Variants in TAFA4 observed in about 807,000 individuals in gnomAD.
The protein encoded by TAFA4 is TAFA chemokine like family member 4, also known as chemokine-like protein TAFA-4.
In TAFA4, 20 loss-of-function variants were observed where a neutral mutation model predicts 21.1. The observed-to-expected ratio is 0.95, with a 90% CI of 0.67 to 1.38. The LOEUF (loss-of-function observed/expected upper bound fraction) is 1.38. TAFA4 is among the 40% of genes most tolerant of loss of function. The pLI is 0.00. For synonymous variants in TAFA4, 71 were observed against 67.4 expected (o/e 1.05, Z -0.26); for missense variants, 211 against 180.9 (o/e 1.17, Z -0.95).
chr3:68,805,605 C>T (rs931169023), intron 3 of TAFA4, among the ~76,000 whole-genome samples: 6 of 152,204 alleles, frequency 3.9e-5, no homozygotes, highest in African/African-American at 1.2e-4. Context: ...CACATATACA[C>T]CATGGAACAC....
chr3:68,733,269 A>AG, intron 5 of TAFA4, 116 bp from the exon 6 acceptor site: 1 of 1,314,266 alleles, frequency 7.6e-7, no homozygotes, highest in Non-Finnish European at 1.0e-6. Context: ...TTGTACATTT[A>AG]CCTATAACCG....
At chr3:68,762,429 A>T (rs1266940308) in intron 3 of TAFA4, among the ~76,000 whole-genome samples, 1 of 152,182 alleles carries the variant, frequency 6.6e-6, no homozygotes, top group Admixed American at 6.5e-5. Context: ...TATGGGGGAA[A>T]ATCTCATAGA....
intron 3 of TAFA4, among the ~76,000 whole-genome samples, chr3:68,769,218 A>C (rs1702908851): frequency 6.6e-6 from 1 of 152,140 alleles, no homozygotes; most frequent in African/African-American, 2.4e-5. Context: ...CACGCTCCTT[A>C]TGAGAATCTA....
At chr3:68,875,233 T>C (rs540175643) in intron 3 of TAFA4, among the ~76,000 whole-genome samples, 2 of 152,102 alleles carry the variant, frequency 1.3e-5, no homozygotes, top group Admixed American at 1.3e-4. Flanking sequence ...TTCCAGTTTT[T>C]TTTTTTTTTT....
chr3:68,880,339 TAGTTTA>T (rs752044100), intron 3 of TAFA4, among the ~76,000 whole-genome samples: 3 of 152,186 alleles, frequency 2.0e-5, no homozygotes, highest in Admixed American at 6.5e-5. Flanking sequence ...CTGTAAGTGT[TAGTTTA>T]AGTTTATCAT....
intron 3 of TAFA4, among the ~76,000 whole-genome samples, chr3:68,791,995 A>T (rs1020153946): frequency 1.3e-5 from 2 of 152,142 alleles, no homozygotes; most frequent in Non-Finnish European, 2.9e-5. Flanking sequence ...CTAAAAAAAA[A>T]CTCTGAGACT....
rs573928797 is a variant in TAFA4 at position 68,753,631 on chromosome 3, T to C, written c.131-613A>G. ...GATTATAGGTGTGAGCCACCGTCAC[T>C]GGCCAACTGGTTGATTTTAAGAGAG... On this transcript the variant is annotated intron_variant, in intron 3 of 5. Coordinates refer to ENST00000295569, the MANE Select transcript of TAFA4 (RefSeq NM_182522.5). Among the ~76,000 whole-genome samples the C allele has an allele frequency of 6.8e-4, 104 of 152,226 alleles. 1 individual carries two copies. The South Asian group carries it at 8.5e-3, about 12-fold the overall frequency.
intron 3 of TAFA4, among the ~76,000 whole-genome samples, chr3:68,871,473 C>G (rs1559549531): frequency 6.6e-6 from 1 of 152,050 alleles, no homozygotes; most frequent in Non-Finnish European, 1.5e-5. Flanking sequence ...AACTATGAAA[C>G]TATTAGAAGC....
intron 3 of TAFA4, among the ~76,000 whole-genome samples, chr3:68,865,416 G>A (rs2089403204): frequency 6.6e-6 from 1 of 151,978 alleles, no homozygotes; most frequent in Admixed American, 6.6e-5. Flanking sequence ...GAATCATGGG[G>A]CCAGGTTTTT....
At chr3:68,763,727 A>ACTAT (rs1043441049) in intron 3 of TAFA4, among the ~76,000 whole-genome samples, 93 of 152,216 alleles carry the variant, frequency 6.1e-4, no homozygotes, top group African/African-American at 2.1e-3. Context: ...TCAGAAGTCT[A>ACTAT]CTATCTGTTT....
intron 1 of TAFA4, among the ~76,000 whole-genome samples, chr3:68,927,926 A>T (rs2090124843): frequency 6.6e-6 from 1 of 152,104 alleles, no homozygotes; most frequent in African/African-American, 2.4e-5. Context: ...ATACAATGAT[A>T]TCTTCCTATT....
intron 3 of TAFA4, among the ~76,000 whole-genome samples, chr3:68,847,013 G>C (rs1704819659): frequency 6.6e-6 from 1 of 152,192 alleles, no homozygotes; most frequent in Non-Finnish European, 1.5e-5. Flanking sequence ...CAGTTGAGGA[G>C]GCAGTCTGTT....
intron 3 of TAFA4, among the ~76,000 whole-genome samples, chr3:68,769,484 G>A (rs1374176384): frequency 1.3e-5 from 2 of 152,160 alleles, no homozygotes; most frequent in Non-Finnish European, 2.9e-5. Context: ...TGCCAAAAAG[G>A]TTGGGGACCA....
chr3:68,862,855 TCACA>T (rs145463746), intron 3 of TAFA4, among the ~76,000 whole-genome samples: 5 of 148,580 alleles, frequency 3.4e-5, no homozygotes, highest in East Asian at 2.0e-4. Context: ...AAAAGAATTT[TCACA>T]CACACACACA....
intron 3 of TAFA4, among the ~76,000 whole-genome samples, chr3:68,755,164 T>C (rs548381379): frequency 1.5e-4 from 23 of 152,294 alleles, no homozygotes; most frequent in African/African-American, 5.5e-4. Flanking sequence ...CAACTCTCTA[T>C]TTATATCTCC....
chr3:68,811,114 G>A (rs1371772240), intron 3 of TAFA4, among the ~76,000 whole-genome samples: 4 of 152,136 alleles, frequency 2.6e-5, no homozygotes, highest in African/African-American at 9.7e-5. Flanking sequence ...TGAGGGTCCT[G>A]ACTGTTAGAA....
chr3:68,837,596 G>A (rs1005165553), intron 3 of TAFA4, among the ~76,000 whole-genome samples: 2 of 152,190 alleles, frequency 1.3e-5, no homozygotes, highest in Admixed American at 6.5e-5. Flanking sequence ...TGAATCAGAG[G>A]TGGGGGTCAA....
intron 3 of TAFA4, among the ~76,000 whole-genome samples, chr3:68,812,242 G>C (rs970042462): frequency 2.0e-5 from 3 of 152,204 alleles, no homozygotes; most frequent in Non-Finnish European, 2.9e-5. Context: ...AAAGACCATT[G>C]AGGCAAGGAA....
intron 3 of TAFA4, among the ~76,000 whole-genome samples, chr3:68,771,461 G>C (rs537796945): frequency 1.2e-3 from 180 of 152,332 alleles, no homozygotes; most frequent in African/African-American, 4.0e-3. Context: ...TTTGGGGTTT[G>C]AGCAGCGGGG....
Sources: allele counts gnomAD v4.1 joint callset (sites outside exome capture counted in the v4.1 genomes callset), GRCh38; gene constraint gnomAD v4.1.1; transcripts MANE v1.5; gene names NCBI Gene and HGNC (gene_info 2026-07-23, HGNC 2026-07-21).